Variants in TAFA4 observed in about 807,000 individuals in gnomAD.
The protein encoded by TAFA4 is TAFA chemokine like family member 4, also known as chemokine-like protein TAFA-4.
TAFA4 carries 20 observed loss-of-function variants against 21.1 expected under a neutral mutation model. That is an observed-to-expected ratio of 0.95 (90% CI 0.67 to 1.38). The LOEUF (loss-of-function observed/expected upper bound fraction) is 1.38, where lower values mean the gene tolerates loss of function less well. Among genes scored for constraint, TAFA4 ranks in the 40% most tolerant of loss-of-function variants. The pLI is 0.00. For missense variants in TAFA4, 211 were observed against 180.9 expected, an observed-to-expected ratio of 1.17 and a Z score of -0.95; for synonymous variants, 71 against 67.4, an observed-to-expected ratio of 1.05 and a Z score of -0.26.
chr3:68,863,164 C>A (rs193262074), intron 3 of TAFA4, among the ~76,000 whole-genome samples: 202 of 151,908 alleles, frequency 1.3e-3, no homozygotes, highest in Non-Finnish European at 1.6e-4. Flanking sequence ...ATCACTTGAG[C>A]CCGGGAAGGT....
chr3:68,827,368 T>C (rs1207651561), intron 3 of TAFA4, among the ~76,000 whole-genome samples: 2 of 152,058 alleles, frequency 1.3e-5, no homozygotes, highest in African/African-American at 4.8e-5. Context: ...GTCTTTATAG[T>C]AGAATTATTT....
intron 1 of TAFA4, among the ~76,000 whole-genome samples, chr3:68,931,322 G>A (rs1219695215): frequency 6.6e-6 from 1 of 152,146 alleles, no homozygotes; most frequent in Non-Finnish European, 1.5e-5. Flanking sequence ...GCTAGGTCTC[G>A]GCGAGTCCGT....
chr3:68,808,573 AC>A (rs1703755520), intron 3 of TAFA4, among the ~76,000 whole-genome samples: 1 of 152,050 alleles, frequency 6.6e-6, no homozygotes, highest in Non-Finnish European at 1.5e-5. Flanking sequence ...CTATCTTCAT[AC>A]CTTTGACTTC....
chr3:68,749,188 G>A (rs1173577662), intron 4 of TAFA4, among the ~76,000 whole-genome samples: 1 of 152,098 alleles, frequency 6.6e-6, no homozygotes, highest in Non-Finnish European at 1.5e-5. Flanking sequence ...AAAAAAGTTT[G>A]GCAGAAGGGG....
chr3:68,741,331 C>T (rs568509063), intron 4 of TAFA4, among the ~76,000 whole-genome samples: 16 of 152,098 alleles, frequency 1.1e-4, no homozygotes, highest in African/African-American at 3.1e-4. Flanking sequence ...GATTTTTTTA[C>T]CTCCTTGGTT....
chr3:68,810,935 C>T lies in TAFA4; in HGVS notation c.131-57917G>A, dbSNP rs188386483. Among the ~76,000 whole-genome samples the T allele has an allele frequency of 2.9e-3, 436 of 152,318 alleles. 1 individual carries two copies. Among genetic ancestry groups the T allele is most frequent in the Admixed American group, 0.013 (203 of 15,306 alleles). The stretch of plus-strand genomic sequence containing the variant: ...GGAGGCAACCCCCAGTAGGGGCAGT[C>T]TGACACCTCACACGGCCAGGTACTC... On this transcript the variant is annotated intron_variant, in intron 3 of 5. Coordinates refer to ENST00000295569, the MANE Select transcript of TAFA4 (RefSeq NM_182522.5).
intron 3 of TAFA4, among the ~76,000 whole-genome samples, chr3:68,818,585 A>G (rs1704040125): frequency 1.3e-5 from 2 of 152,292 alleles, no homozygotes; most frequent in Middle Eastern, 6.8e-3. Flanking sequence ...TCTTCCTTTC[A>G]CTTGAAGACT....
intron 1 of TAFA4, among the ~76,000 whole-genome samples, chr3:68,906,644 G>A (rs186811441): frequency 6.6e-6 from 1 of 152,136 alleles, no homozygotes; most frequent in African/African-American, 2.4e-5. Context: ...GTGTCAACCA[G>A]AGAGTGGACT....
At chr3:68,776,977 CCTT>C (rs1703060094) in intron 3 of TAFA4, among the ~76,000 whole-genome samples, 1 of 151,934 alleles carries the variant, frequency 6.6e-6, no homozygotes, top group East Asian at 1.9e-4. Flanking sequence ...AAAATGAAAA[CCTT>C]CTTGGACCAA....
chr3:68,748,442 T>C (rs181954725), intron 4 of TAFA4, among the ~76,000 whole-genome samples: 1 of 152,184 alleles, frequency 6.6e-6, no homozygotes, highest in Non-Finnish European at 1.5e-5. Context: ...ACTAAGTGAA[T>C]TGACATCTTG....
chr3:68,916,173 G>C (rs924151209), intron 1 of TAFA4: 1 of 152,228 alleles, frequency 6.6e-6, no homozygotes, highest in Admixed American at 6.5e-5. Flanking sequence ...GTGGTTCAGA[G>C]CTCAGCAAGT....
chr3:68,844,664 A>C (rs1157804849), intron 3 of TAFA4, among the ~76,000 whole-genome samples: 1 of 152,112 alleles, frequency 6.6e-6, no homozygotes, highest in Non-Finnish European at 1.5e-5. Flanking sequence ...TAGTGGTATA[A>C]ATTTCCCTCT....
At chr3:68,889,485 G>C (rs1471715750) in intron 1 of TAFA4, among the ~76,000 whole-genome samples, 1 of 152,190 alleles carries the variant, frequency 6.6e-6, no homozygotes, top group East Asian at 1.9e-4. Flanking sequence ...AATTCCCTCA[G>C]AGAACTATTC....
At chr3:68,802,094 T>G (rs1703591680) in intron 3 of TAFA4, among the ~76,000 whole-genome samples, 1 of 152,158 alleles carries the variant, frequency 6.6e-6, no homozygotes, top group Non-Finnish European at 1.5e-5. Context: ...AAAATGGAGG[T>G]TACATTAAAT....
intron 3 of TAFA4, among the ~76,000 whole-genome samples, chr3:68,856,165 T>C (rs549339047): frequency 6.6e-5 from 10 of 152,246 alleles, no homozygotes; most frequent in African/African-American, 1.9e-4. Flanking sequence ...GTTGATTCCA[T>C]GCAGATGAAC....
At chr3:68,858,887 G>A (rs950246707) in intron 3 of TAFA4, among the ~76,000 whole-genome samples, 1 of 151,950 alleles carries the variant, frequency 6.6e-6, no homozygotes, top group Admixed American at 6.6e-5. Context: ...GAATATCTGA[G>A]TCAAAGTTCT....
At chr3:68,818,180 T>C (rs146353897) in intron 3 of TAFA4, among the ~76,000 whole-genome samples, 57 of 152,344 alleles carry the variant, frequency 3.7e-4, no homozygotes, top group East Asian at 1.4e-3. Context: ...TTTCATGTTA[T>C]GGAAATGGCT....
chr3:68,733,127 A>T lies in TAFA4; in HGVS notation c.*15T>A, dbSNP rs116027469. ...CCTGCTGCCCCTCCAGGATTGAAGCACACCTCTCTCTTCGCTACCGCGTTA... is the reference window on the plus strand; with the variant it reads ...CCTGCTGCCCCTCCAGGATTGAAGCTCACCTCTCTCTTCGCTACCGCGTTA... On this transcript the variant is annotated 3_prime_UTR_variant, in exon 6 of 6. Transcript: ENST00000295569. The T allele has an allele frequency of 1.2e-3, 1,870 of 1,613,192 alleles. 22 individuals are homozygous for T. The African/African-American group carries it at 0.021, about 18-fold the overall frequency.
At chr3:68,930,283 A>C (rs1486180970) in intron 1 of TAFA4, among the ~76,000 whole-genome samples, 1 of 152,226 alleles carries the variant, frequency 6.6e-6, no homozygotes, top group East Asian at 1.9e-4. Flanking sequence ...AAAAATATCC[A>C]ATAATCAAGC....
Sources: allele counts gnomAD v4.1 joint callset (sites outside exome capture counted in the v4.1 genomes callset), GRCh38; gene constraint gnomAD v4.1.1; transcripts MANE v1.5; gene names NCBI Gene and HGNC (gene_info 2026-07-23, HGNC 2026-07-21).